The following CCDC171 variants were observed in gnomAD, a reference collection of about 807,000 sequenced individuals.
CCDC171 encodes the protein coiled-coil domain containing 171.
A neutral mutation model predicts 168.2 loss-of-function variants in CCDC171; 177 were observed. The observed-to-expected ratio is 1.05, with a 90% CI of 0.93 to 1.19. The LOEUF is 1.19. Ranked by LOEUF, CCDC171 falls within the 50% of genes most tolerant of loss-of-function variation. CCDC171 has a pLI of 0.00. For missense variants in CCDC171, 1,991 were observed against 1,539.0 expected (o/e 1.29, Z -4.91); for synonymous variants, 687 against 540.8 (o/e 1.27, Z -3.75).
chr9:16,085,051 C>T, the CCDC171 span, among the ~76,000 whole-genome samples: 2 of 152,370 alleles, frequency 1.3e-5, no homozygotes, highest in African/African-American at 4.8e-5. Context: ...TACATTATGA[C>T]AACCAGTCTA....
At chr9:15,823,015 G>A (rs1186222415) in intron 21 of CCDC171, among the ~76,000 whole-genome samples, 16 of 152,060 alleles carry the variant, frequency 1.1e-4, no homozygotes, top group South Asian at 4.1e-4. Flanking sequence ...ATAAAAAATG[G>A]TGAGTTCATG....
At chr9:16,028,369 T>G (rs1402378764) in intron 6 of CCDC171, among the ~76,000 whole-genome samples, 5 of 152,092 alleles carry the variant, frequency 3.3e-5, no homozygotes, top group Admixed American at 6.6e-5. Flanking sequence ...AAGATGATAC[T>G]CAGCGATGTG....
At chr9:15,945,502 T>TCC (rs1828245594) in intron 25 of CCDC171, among the ~76,000 whole-genome samples, 1 of 150,108 alleles carries the variant, frequency 6.7e-6, no homozygotes, top group Non-Finnish European at 1.5e-5. Flanking sequence ...ACCAACAGTG[T>TCC]AAAAGTGTTC....
chr9:15,882,699 T>G (rs1818815225), intron 24 of CCDC171, among the ~76,000 whole-genome samples: 1 of 152,114 alleles, frequency 6.6e-6, no homozygotes, highest in Non-Finnish European at 1.5e-5. Context: ...TCTCCTAAGA[T>G]TTTAGTGTTT....
chr9:15,555,107 C>T (rs559421832), intron 1 of CCDC171, among the ~76,000 whole-genome samples: 4 of 152,116 alleles, frequency 2.6e-5, no homozygotes, highest in East Asian at 1.9e-4. Flanking sequence ...AAAGTAGATT[C>T]GCCTTTCTGG....
At chr9:15,651,344 G>A (rs1185369706) in intron 7 of CCDC171, among the ~76,000 whole-genome samples, 1 of 151,780 alleles carries the variant, frequency 6.6e-6, no homozygotes, top group Admixed American at 6.6e-5. Flanking sequence ...CCTGACCTCA[G>A]GTGATCTGCC....
At chr9:15,646,186 C>T (rs897954612) in intron 7 of CCDC171, among the ~76,000 whole-genome samples, 1 of 152,128 alleles carries the variant, frequency 6.6e-6, no homozygotes, top group African/African-American at 2.4e-5. Context: ...CCTTTACAGA[C>T]AAGCAAATGC....
the CCDC171 span, among the ~76,000 whole-genome samples, chr9:16,069,352 C>G: frequency 2.0e-5 from 3 of 152,206 alleles, no homozygotes; most frequent in African/African-American, 7.2e-5. Flanking sequence ...TCATTTCAAA[C>G]CAGACTGGGC....
intron 25 of CCDC171, among the ~76,000 whole-genome samples, chr9:15,937,610 A>T (rs911164112): frequency 1.3e-5 from 2 of 152,006 alleles, no homozygotes; most frequent in African/African-American, 2.4e-5. Context: ...AAAAGTCATT[A>T]CTAAAAAAGC....
chr9:15,737,407 G>C (rs2054567620), intron 16 of CCDC171, among the ~76,000 whole-genome samples: 1 of 152,178 alleles, frequency 6.6e-6, no homozygotes, highest in Admixed American at 6.5e-5. Context: ...GTTTGAGGAG[G>C]CTTAGCAGAG....
chr9:15,910,120 G>C (rs934843804), intron 24 of CCDC171, among the ~76,000 whole-genome samples: 1 of 151,834 alleles, frequency 6.6e-6, no homozygotes, highest in Non-Finnish European at 1.5e-5. Flanking sequence ...GGCTGCATAA[G>C]ACATGAGTTT....
At chr9:15,623,475 G>GCGCGCTCACACACACA in intron 7 of CCDC171, 62 bp downstream of exon 7, 1 of 311,464 alleles carries the variant, frequency 3.2e-6, no homozygotes, top group Non-Finnish European at 5.9e-6. Context: ...GCGCGCGCGC[G>GCGCGCTCACACACACA]CACACACACA....
intron 8 of CCDC171, among the ~76,000 whole-genome samples, chr9:15,661,756 C>A (rs571436319): frequency 6.6e-6 from 1 of 152,084 alleles, no homozygotes; most frequent in African/African-American, 2.4e-5. Context: ...ATTTTGTAGT[C>A]TATTTTTCTT....
intron 3 of CCDC171, among the ~76,000 whole-genome samples, chr9:15,983,511 TGA>T (rs139449191): frequency 7.9e-4 from 109 of 137,372 alleles, no homozygotes; most frequent in South Asian, 4.8e-3. Context: ...TGTGTGTGTG[TGA>T]GAGAGAGAGA....
At chr9:16,082,648 AGT>A in the CCDC171 span, among the ~76,000 whole-genome samples, 1 of 152,196 alleles carries the variant, frequency 6.6e-6, no homozygotes, top group Non-Finnish European at 1.5e-5. Context: ...ATCTGTGGAG[AGT>A]GTACGCATGT....
chr9:15,600,077 G>A (rs1212403683), intron 6 of CCDC171, among the ~76,000 whole-genome samples: 1 of 152,038 alleles, frequency 6.6e-6, no homozygotes, highest in East Asian at 1.9e-4. Context: ...CTTTGCCATG[G>A]GTTCGAACTT....
intron 21 of CCDC171, among the ~76,000 whole-genome samples, chr9:15,809,184 G>C (rs566639728): frequency 3.3e-5 from 5 of 152,292 alleles, no homozygotes; most frequent in Admixed American, 1.3e-4. Context: ...ATTGGAGTTA[G>C]ATAATAATTG....
At chr9:15,773,689 T>C (rs1171753530) in intron 18 of CCDC171, among the ~76,000 whole-genome samples, 6 of 146,438 alleles carry the variant, frequency 4.1e-5, no homozygotes, top group Non-Finnish European at 9.0e-5. Flanking sequence ...ATTTTACAAC[T>C]GTATCACTAG....
chr9:16,043,096 T>C (rs554280132), intron 1 of CCDC171, among the ~76,000 whole-genome samples: 2 of 152,240 alleles, frequency 1.3e-5, no homozygotes, highest in South Asian at 2.1e-4. Context: ...CAAGTCAGCA[T>C]TGAAATATGC....
Sources: allele counts gnomAD v4.1 joint callset (sites outside exome capture counted in the v4.1 genomes callset), GRCh38; gene constraint gnomAD v4.1.1; transcripts MANE v1.5; gene names NCBI Gene and HGNC (gene_info 2026-07-23, HGNC 2026-07-21).